Variants in GRM1 observed in about 807,000 individuals in gnomAD.
GRM1 encodes the protein metabotropic glutamate receptor 1.
A neutral mutation model predicts 90.9 loss-of-function variants in GRM1; 33 were observed. The observed-to-expected ratio is 0.36, with a 90% CI of 0.28 to 0.49. The LOEUF is 0.49. Among genes scored for constraint, GRM1 ranks in the 20% least tolerant of loss-of-function variants. The probability of loss-of-function intolerance (pLI) is 0.99; values close to 1 mark genes in which losing one functional copy is unlikely to be tolerated. For missense variants in GRM1, 1,190 were observed against 1,534.3 expected, an observed-to-expected ratio of 0.78 and a Z score of 3.75; for synonymous variants, 700 against 613.2, an observed-to-expected ratio of 1.14 and a Z score of -2.09.
intron 5 of GRM1, among the ~76,000 whole-genome samples, chr6:146,358,168 G>C (rs1364936629): frequency 2.0e-5 from 3 of 152,102 alleles, no homozygotes; most frequent in African/African-American, 7.2e-5. Flanking sequence ...TGATTCTTTT[G>C]AAACTGGCAT....
intron 3 of GRM1, among the ~76,000 whole-genome samples, chr6:146,318,122 G>A (rs577918784): frequency 1.5e-4 from 23 of 152,214 alleles, no homozygotes; most frequent in African/African-American, 5.3e-4. Context: ...TCTACATTAG[G>A]TATTCCTCCT....
chr6:146,194,595 T>A (rs1779053047), intron 2 of GRM1, among the ~76,000 whole-genome samples: 1 of 152,206 alleles, frequency 6.6e-6, no homozygotes, highest in African/African-American at 2.4e-5. Flanking sequence ...CCTGCTGAGC[T>A]TCCCAACACA....
intron 3 of GRM1, among the ~76,000 whole-genome samples, chr6:146,332,357 C>G (rs1425509441): frequency 1.3e-5 from 2 of 152,040 alleles, no homozygotes; most frequent in African/African-American, 4.8e-5. Context: ...TAAGTTGTTG[C>G]ATGAATTCTC....
chr6:146,304,647 T>C lies in GRM1; in HGVS notation c.987T>C (p.Gly329=). Residue 329 remains glycine, a synonymous_variant, in exon 3 of 8, where the codon GGT becomes GGC. Coordinates refer to ENST00000282753, the MANE Select transcript of GRM1 (RefSeq NM_001278064.2). ...GWADRDEVIE[G]YEVEANGGIT... The stretch of plus-strand genomic sequence containing the variant: ...CAGACAGAGATGAAGTCATTGAAGG[T>C]TATGAGGTGGAAGCCAACGGGGGAA... 1 of 1,613,758 alleles carries C rather than the reference T, an allele frequency of 6.2e-7. No homozygotes were observed. The highest frequency in any genetic ancestry group is 8.5e-7 in the Non-Finnish European group (1 of 1,179,816).
intron 1 of GRM1, among the ~76,000 whole-genome samples, chr6:146,109,033 C>T (rs1001065190): frequency 5.3e-5 from 8 of 152,102 alleles, no homozygotes; most frequent in Admixed American, 2.0e-4. Context: ...ATAAGGGAAG[C>T]AGAGCATACA....
chr6:146,244,718 C>A (rs1780995164), intron 2 of GRM1, among the ~76,000 whole-genome samples: 1 of 152,138 alleles, frequency 6.6e-6, no homozygotes, highest in South Asian at 2.1e-4. Flanking sequence ...TTGTGTCAAA[C>A]TCCTTGCTAG....
intron 2 of GRM1, among the ~76,000 whole-genome samples, chr6:146,215,820 G>A (rs1463525480): frequency 2.0e-5 from 3 of 150,092 alleles, no homozygotes; most frequent in African/African-American, 7.4e-5. Context: ...GCAGTGGCTC[G>A]ATCTCAGCTC....
intron 3 of GRM1, among the ~76,000 whole-genome samples, chr6:146,346,918 C>CA (rs1471088983): frequency 6.6e-6 from 1 of 152,144 alleles, no homozygotes; most frequent in Non-Finnish European, 1.5e-5. Context: ...GGGGGAGTCA[C>CA]ATTTACCATT....
At chr6:146,209,765 A>G (rs1022261057) in intron 2 of GRM1, among the ~76,000 whole-genome samples, 3 of 152,182 alleles carry the variant, frequency 2.0e-5, no homozygotes, top group African/African-American at 7.2e-5. Context: ...TTTTGGATTC[A>G]GTGATTCAAT....
chr6:146,252,652 T>C (rs773734793), intron 2 of GRM1, among the ~76,000 whole-genome samples: 41 of 152,108 alleles, frequency 2.7e-4, no homozygotes, highest in African/African-American at 6.3e-4. Flanking sequence ...AATTAGAGTT[T>C]TAGAGTTTTC....
chr6:146,127,496 C>T (rs1485011763), intron 1 of GRM1, among the ~76,000 whole-genome samples: 2 of 152,166 alleles, frequency 1.3e-5, no homozygotes, highest in Non-Finnish European at 2.9e-5. Flanking sequence ...CTGGTGCTCA[C>T]TCCTGAGGTT....
chr6:146,201,390 GGT>G (rs1440774804), intron 2 of GRM1, among the ~76,000 whole-genome samples: 4 of 152,156 alleles, frequency 2.6e-5, no homozygotes, highest in Non-Finnish European at 5.9e-5. Context: ...AAATTTGGTG[GGT>G]TAAACAACAG....
At chr6:146,256,059 G>C (rs113434956) in intron 2 of GRM1, among the ~76,000 whole-genome samples, 6 of 152,140 alleles carry the variant, frequency 3.9e-5, no homozygotes, top group African/African-American at 1.2e-4. Flanking sequence ...GTAGAGGGGC[G>C]AGATACACTT....
chr6:146,190,416 G>A (rs181390901), intron 2 of GRM1, among the ~76,000 whole-genome samples: 6 of 152,154 alleles, frequency 3.9e-5, no homozygotes, highest in Non-Finnish European at 7.4e-5. Context: ...ACCAAACTGG[G>A]GTCCATGAGA....
intron 5 of GRM1, among the ~76,000 whole-genome samples, chr6:146,377,796 G>A (rs530815348): frequency 8.5e-5 from 13 of 152,264 alleles, no homozygotes; most frequent in Admixed American, 7.2e-4. Context: ...GATTAGTTCA[G>A]TGCTGTGCAT....
intron 2 of GRM1, among the ~76,000 whole-genome samples, chr6:146,194,919 C>G (rs576462553): frequency 5.7e-4 from 87 of 152,226 alleles, no homozygotes; most frequent in African/African-American, 2.0e-3. Flanking sequence ...AACTTAGTTT[C>G]GAGATGTTAC....
chr6:146,338,457 T>G (rs1385321512), intron 3 of GRM1, among the ~76,000 whole-genome samples: 10 of 152,244 alleles, frequency 6.6e-5, no homozygotes, highest in South Asian at 2.1e-4. Context: ...TTGCTTTCTT[T>G]GCCTCCACAG....
At chr6:146,138,569 G>T (rs1289569390) in intron 1 of GRM1, among the ~76,000 whole-genome samples, 1 of 151,968 alleles carries the variant, frequency 6.6e-6, no homozygotes, top group Non-Finnish European at 1.5e-5. Context: ...TTATTGGCCT[G>T]TTCAGGTTTG....
intron 1 of GRM1, among the ~76,000 whole-genome samples, chr6:146,152,145 G>T (rs532495838): frequency 2.0e-5 from 3 of 152,066 alleles, no homozygotes; most frequent in Non-Finnish European, 4.4e-5. Context: ...TTGCAATCTT[G>T]TAGGGGTATG....
Sources: gnomAD v4.1 joint callset for allele counts (sites outside exome capture counted in the v4.1 genomes callset) on GRCh38, gnomAD v4.1.1 for gene constraint, MANE v1.5 for transcripts, NCBI Gene and HGNC (gene_info 2026-07-23, HGNC 2026-07-21) for gene names.